LAPTM4A: variants seen among roughly 807,000 people sequenced by gnomAD.
LAPTM4A encodes lysosomal protein transmembrane 4 alpha.
Under a neutral mutation model 29.9 loss-of-function variants are expected in LAPTM4A, and 19 were observed. The observed-to-expected ratio is 0.64, with a 90% CI of 0.44 to 0.93. The LOEUF (loss-of-function observed/expected upper bound fraction) is 0.93. LAPTM4A is among the 40% of genes least tolerant of loss of function. The pLI is 0.00. For missense variants in LAPTM4A, 293 were observed against 288.5 expected (o/e 1.02, Z -0.11); for synonymous variants, 105 against 102.1 (o/e 1.03, Z -0.17).
Position 20,040,894 on chromosome 2 carries a change from C to G in LAPTM4A, c.229G>C (p.Ala77Pro). 6.2e-7 allele frequency: 1 copy of G among 1,613,404 alleles called. No individual in the cohort carries two copies. Among genetic ancestry groups the G allele is most frequent in the South Asian group, 1.1e-5 (1 of 91,014 alleles). Residue 77 changes from alanine to proline, a missense_variant, in exon 2 of 7, where the codon GCT becomes CCT. Coordinates refer to ENST00000175091, the MANE Select transcript of LAPTM4A (RefSeq NM_014713.5). ...IGNYYSSERM[A>P]DNACVLFAVS... is the part of the protein sequence containing the mutation. ...TGTTTTTCTATTAAACACATACCAG[C>G]CATTCTCTCAGACGAATAGTAATTA... is the stretch of plus-strand genomic sequence containing the variant.
chr2:20,044,134 T>C (rs150169978), intron 1 of LAPTM4A, among the ~76,000 whole-genome samples: 2 of 152,362 alleles, frequency 1.3e-5, no homozygotes, highest in Non-Finnish European at 2.9e-5. Context: ...AAGGTGGCTC[T>C]CCCCAGTTGA....
chr2:20,043,359 C>A (rs779297400), intron 1 of LAPTM4A, among the ~76,000 whole-genome samples: 1 of 151,938 alleles, frequency 6.6e-6, no homozygotes. Context: ...GGACTACAGG[C>A]GTGCACCATT....
intron 1 of LAPTM4A, among the ~76,000 whole-genome samples, chr2:20,048,489 C>A (rs1673984368): frequency 6.6e-6 from 1 of 152,286 alleles, no homozygotes; most frequent in East Asian, 1.9e-4. Flanking sequence ...TTGTACCATA[C>A]AATGAATATT....
chr2:20,048,866 A>G (rs939122776), intron 1 of LAPTM4A, among the ~76,000 whole-genome samples: 6 of 152,242 alleles, frequency 3.9e-5, no homozygotes, highest in African/African-American at 1.4e-4. Flanking sequence ...GCTTCGAAGT[A>G]TTATACTACA....
At chr2:20,051,380 G>A (rs767039488) in intron 1 of LAPTM4A, 30 bp downstream of exon 1, 6 of 1,145,750 alleles carry the variant, frequency 5.2e-6, no homozygotes, top group Non-Finnish European at 7.1e-6. Flanking sequence ...CAGGCCCCCC[G>A]GACATACGCG....
intron 1 of LAPTM4A, among the ~76,000 whole-genome samples, 154 bp from the exon 2 acceptor site, chr2:20,041,165 C>T (rs1460978852): frequency 6.6e-6 from 1 of 152,012 alleles, no homozygotes; most frequent in African/African-American, 2.4e-5. Flanking sequence ...AAACAATACG[C>T]AATTACCACT....
rs1233226170 is a variant in LAPTM4A, at chr2:20,051,568, C to G, written c.-48G>C. ...TGGCCGGGCCCCTGACAAACGTTCT[C>G]CACCCGCAGCCAAACTCAAACGGCT... On this transcript the variant is annotated 5_prime_UTR_variant, in exon 1 of 7. Transcript: ENST00000175091. 1 of 1,212,356 alleles carries G rather than the reference C, an allele frequency of 8.2e-7. No homozygotes were observed. Among genetic ancestry groups the G allele is most frequent in the Non-Finnish European group, 1.2e-6 (1 of 850,130 alleles). 75.1% of individuals were successfully genotyped at this position (1,212,356 alleles called of 1,614,324 possible). A position where few individuals can be genotyped will look rare whatever the true frequency, so the allele number is the denominator to read the frequency against.
chr2:20,037,163 A>C lies in LAPTM4A; in HGVS notation c.432+153T>G, dbSNP rs533898794. On this transcript the variant is annotated intron_variant, in intron 4 of 6. Coordinates refer to ENST00000175091, the MANE Select transcript of LAPTM4A (RefSeq NM_014713.5). ...CTACTTTCATCTTGCCAGTTTTGTC[A>C]CAGTAGCTAAGAGAGCAGAAATAAT... 3 of 570,674 alleles carry C rather than the reference A, an allele frequency of 5.3e-6. No individual in the cohort carries two copies. The South Asian group carries it at 1.1e-4, about 21-fold the overall frequency. 35.4% of individuals were successfully genotyped at this position (570,674 alleles called of 1,614,324 possible). A position where few individuals can be genotyped will look rare whatever the true frequency, so the allele number is the denominator to read the frequency against.
intron 1 of LAPTM4A, among the ~76,000 whole-genome samples, chr2:20,046,001 C>T (rs570169048): frequency 2.3e-4 from 35 of 152,274 alleles, no homozygotes; most frequent in African/African-American, 8.4e-4. Flanking sequence ...ATCTTTAAAA[C>T]GTTTTTTAGC....
At chr2:20,034,944 TA>T (rs747379406) in intron 5 of LAPTM4A, 22 bp downstream of exon 5, 65 of 1,553,062 alleles carry the variant, frequency 4.2e-5, no homozygotes, top group Non-Finnish European at 5.4e-5. Context: ...CAGTCACCCC[TA>T]AAGATTTAGT....
chr2:20,046,208 G>A (rs907583392), intron 1 of LAPTM4A, among the ~76,000 whole-genome samples: 13 of 152,124 alleles, frequency 8.5e-5, no homozygotes, highest in Non-Finnish European at 8.8e-5. Flanking sequence ...AGCGGGTGGC[G>A]GGCTGGGGGA....
At chr2:20,049,140 A>C (rs958895055) in intron 1 of LAPTM4A, among the ~76,000 whole-genome samples, 1 of 152,228 alleles carries the variant, frequency 6.6e-6, no homozygotes, top group Non-Finnish European at 1.5e-5. Context: ...TCTTAAGGGC[A>C]GATGCTGTGT....
At chr2:20,039,066 G>T (rs3937746) in intron 2 of LAPTM4A, among the ~76,000 whole-genome samples, 3,254 of 151,974 alleles carry the variant, frequency 0.021, 107 homozygotes, top group African/African-American at 0.073. Flanking sequence ...GCAGGCCTGC[G>T]CCACCAAGCC....
intron 2 of LAPTM4A, among the ~76,000 whole-genome samples, chr2:20,040,176 C>A (rs1237531685): frequency 3.3e-5 from 5 of 152,052 alleles, no homozygotes; most frequent in East Asian, 1.9e-4. Flanking sequence ...TTTGGAGGGA[C>A]ACATATATTG....
intron 1 of LAPTM4A, among the ~76,000 whole-genome samples, chr2:20,045,514 T>C (rs61193764): frequency 0.15 from 23,250 of 151,774 alleles, 1,953 homozygotes; most frequent in Admixed American, 0.19. Flanking sequence ...CTTGGCAATA[T>C]GGAGAGGTAT....
In LAPTM4A at chr2:20,034,762, C is replaced by T. The variant is rs1147114; in HGVS notation, c.528+205G>A. On this transcript the variant is annotated intron_variant, in intron 5 of 6. Coordinates refer to ENST00000175091, the MANE Select transcript of LAPTM4A (RefSeq NM_014713.5). ...AACATAAAAAGTAGGTCCTTTCACT[C>T]AGAGAAGGATCCTGACAGTTACAAC... 0.93 allele frequency among the ~76,000 whole-genome samples: 142,053 copies of T among 152,250 alleles called. 66,631 individuals are homozygous for T. Among genetic ancestry groups the T allele is most frequent in the East Asian group, 1 (5,187 of 5,192 alleles).
At chr2:20,049,502 C>A (rs962518341) in intron 1 of LAPTM4A, among the ~76,000 whole-genome samples, 3 of 152,164 alleles carry the variant, frequency 2.0e-5, no homozygotes, top group Non-Finnish European at 2.9e-5. Context: ...TAAGAATAAG[C>A]GCCCGTAATG....
intron 1 of LAPTM4A, among the ~76,000 whole-genome samples, chr2:20,046,209 G>A (rs1673915048): frequency 2.0e-5 from 3 of 152,144 alleles, no homozygotes; most frequent in Admixed American, 2.0e-4. Flanking sequence ...GCGGGTGGCG[G>A]GCTGGGGGAG....
At chr2:20,038,450 G>C (rs547071450) in intron 2 of LAPTM4A, among the ~76,000 whole-genome samples, 1 of 152,252 alleles carries the variant, frequency 6.6e-6, no homozygotes, top group East Asian at 1.9e-4. Flanking sequence ...TCCTGAGACA[G>C]AGTCTTGCTC....
Sources: allele counts gnomAD v4.1 joint callset (sites outside exome capture counted in the v4.1 genomes callset), GRCh38; gene constraint gnomAD v4.1.1; transcripts MANE v1.5; gene names NCBI Gene and HGNC (gene_info 2026-07-23, HGNC 2026-07-21).